Variants in STRA6 observed in about 807,000 individuals in gnomAD.
STRA6 encodes signaling receptor and transporter of retinol STRA6.
In STRA6, 48 loss-of-function variants were observed where a neutral mutation model predicts 83.6. The observed-to-expected ratio is 0.57, with a 90% CI of 0.46 to 0.73. The LOEUF is 0.73. STRA6 is among the 30% of genes least tolerant of loss of function. STRA6 has a pLI of 0.00. For missense variants in STRA6, 760 were observed against 838.8 expected, an observed-to-expected ratio of 0.91 and a Z score of 1.16; for synonymous variants, 353 against 362.3, an observed-to-expected ratio of 0.97 and a Z score of 0.29.
At chr15:74,182,907 A>G (rs1026502532) in intron 14 of STRA6, 3 of 229,458 alleles carry the variant, frequency 1.3e-5, no homozygotes, top group African/African-American at 6.8e-5. Flanking sequence ...TGATGTCTAC[A>G]AAAGGGCCTG....
upstream of STRA6, among the ~76,000 whole-genome samples, chr15:74,203,780 T>C (rs531903243): frequency 2.0e-5 from 3 of 152,112 alleles, no homozygotes; most frequent in South Asian, 6.2e-4. Flanking sequence ...GTCTGTACCA[T>C]GGGAAACCAA....
At chr15:74,192,069 C>T (rs2073572010) in intron 8 of STRA6, 1 of 166,530 alleles carries the variant, frequency 6.0e-6, no homozygotes, top group Non-Finnish European at 1.3e-5. Flanking sequence ...AGAACACAGG[C>T]TGTTGTCACT....
intron 5 of STRA6, 63 bp from the exon 6 acceptor site, chr15:74,195,738 G>C (rs2073783287): frequency 1.1e-6 from 1 of 951,258 alleles, no homozygotes; most frequent in African/African-American, 1.6e-5. Context: ...GATATATAAT[G>C]CTTAGCATGG....
At chr15:74,184,448 C>A (rs1360103965) in intron 13 of STRA6, among the ~76,000 whole-genome samples, 1 of 152,180 alleles carries the variant, frequency 6.6e-6, no homozygotes, top group African/African-American at 2.4e-5. Flanking sequence ...CTCGGGCTGC[C>A]CCTTCCACCT....
chr15:74,180,851 C>T lies in STRA6; in HGVS notation c.1771G>A (p.Ala591Thr), dbSNP rs115331762. ...ATGGTCCTGGGTAGGAGGCTCTGCGCTTGCAGGAGCAGGGAGCAGAAGGCT... is the reference window on the plus strand; with the variant it reads ...ATGGTCCTGGGTAGGAGGCTCTGCGTTTGCAGGAGCAGGGAGCAGAAGGCT... ...MTAFCSLLLQAQSLLPRTMAA... is the reference protein window; with the variant it reads ...MTAFCSLLLQTQSLLPRTMAA... The change falls in exon 18 of 19, where the codon GCG (alanine) becomes ACG (threonine). Residue 591 changes from alanine to threonine, a missense_variant. Physicochemically the swap from Ala to Thr is moderately conservative, Grantham distance 58. Coordinates refer to ENST00000395105, the MANE Select transcript of STRA6 (RefSeq NM_022369.4). 1.1e-3 allele frequency: 1,724 copies of T among 1,614,126 alleles called. 24 individuals carry two copies. The African/African-American group carries it at 0.021, about 20-fold the overall frequency.
At chr15:74,184,610 G>A (rs546803679) in intron 13 of STRA6, among the ~76,000 whole-genome samples, 92 of 152,234 alleles carry the variant, frequency 6.0e-4, no homozygotes, top group African/African-American at 2.1e-3. Context: ...CTCTGTTCTC[G>A]TCCACACAGT....
rs373705033 is a variant in STRA6, at chr15:74,189,251, C to T, written c.954G>A (p.Val318=). ...YQVALLLLVG[V]VPTIQKVRAG... ...CCCTCACCTTCTGGATAGTGGGTACCACGCCCACCAGCAGCAGCAGGGCCA... is the reference window on the plus strand; with the variant it reads ...CCCTCACCTTCTGGATAGTGGGTACTACGCCCACCAGCAGCAGCAGGGCCA... The change falls in exon 12 of 19, where the codon GTG becomes GTA. Residue 318 remains valine, a synonymous_variant. Coordinates refer to ENST00000395105, the MANE Select transcript of STRA6 (RefSeq NM_022369.4). The T allele has an allele frequency of 1.3e-5, 21 of 1,604,408 alleles. No homozygotes were observed. The highest frequency in any genetic ancestry group is 1.8e-5 in the Non-Finnish European group (21 of 1,175,818).
upstream of STRA6, chr15:74,209,566 G>T (rs2074337610): frequency 4.8e-6 from 4 of 833,264 alleles, no homozygotes; most frequent in South Asian, 5.4e-5. Context: ...AGTGAAAAAG[G>T]CCCCCTCGGA....
At chr15:74,194,598 T>G in intron 7 of STRA6, 1 of 520,698 alleles carries the variant, frequency 1.9e-6, no homozygotes, top group Non-Finnish European at 2.9e-6. Context: ...CCTGGCATCA[T>G]TTTGTTTGCG....
chr15:74,195,343 C>T lies in STRA6; in HGVS notation c.556G>A (p.Val186Ile). ...CACTCTGCCCTCTGCCAGACCTGGACCCCAAGGTGGGCCCAGGACAGCGTG... is the reference window on the plus strand; with the variant it reads ...CACTCTGCCCTCTGCCAGACCTGGATCCCAAGGTGGGCCCAGGACAGCGTG... ...GSTLSWAHLG[V>I]QVWQRAECPQ... Residue 186 changes from valine (V) to isoleucine (I), a missense_variant, in exon 7 of 19, where the codon GTC becomes ATC. By Grantham distance (29) the Val-to-Ile change is conservative. Coordinates refer to ENST00000395105, the MANE Select transcript of STRA6 (RefSeq NM_022369.4). The T allele has an allele frequency of 1.2e-6, 2 of 1,613,462 alleles. No individual in the cohort carries two copies. Among genetic ancestry groups the T allele is most frequent in the South Asian group, 2.2e-5 (2 of 91,026 alleles).
intron 7 of STRA6, 36 bp downstream of exon 7, chr15:74,195,266 G>A (rs755532553): frequency 3.4e-5 from 55 of 1,607,122 alleles, no homozygotes; most frequent in South Asian, 1.9e-4. Context: ...TGCTCTGTGC[G>A]CCCCTCTGCC....
rs570190700 is a variant in STRA6 at position 74,192,789 on chromosome 15, G to C, written c.720+1011C>G. Reference sequence around the variant, plus strand: ...GAGTCTGTTCTTCTTTCCCCTTTGAGGGTCTCTGCAGAGCTTTCTTCCTCC... The same window carrying C: ...GAGTCTGTTCTTCTTTCCCCTTTGACGGTCTCTGCAGAGCTTTCTTCCTCC... On this transcript the variant is annotated intron_variant, in intron 8 of 18. Transcript: ENST00000395105. 7.2e-5 allele frequency among the ~76,000 whole-genome samples: 11 copies of C among 152,296 alleles called. No homozygotes were observed. The South Asian group carries it at 2.3e-3, about 32-fold the overall frequency.
chr15:74,185,154 C>A, intron 12 of STRA6, 99 bp from the exon 13 acceptor site: 1 of 1,200,560 alleles, frequency 8.3e-7, no homozygotes, highest in East Asian at 2.5e-5. Context: ...GGGGAGTTCC[C>A]CCTGCCCCAA....
At chr15:74,190,999 C>G (rs768287946) in intron 10 of STRA6, 98 bp from the exon 11 acceptor site, 7 of 1,587,768 alleles carry the variant, frequency 4.4e-6, no homozygotes, top group Non-Finnish European at 6.0e-6. Flanking sequence ...CAGCAGGACC[C>G]TAAATGACCA....
chr15:74,190,681 C>T (rs556176994), intron 11 of STRA6, among the ~76,000 whole-genome samples, 159 bp downstream of exon 11: 1 of 152,092 alleles, frequency 6.6e-6, no homozygotes. Flanking sequence ...AACACCCCGG[C>T]CCTTCTGGGT....
intron 17 of STRA6, 47 bp downstream of exon 17, chr15:74,181,248 T>A (rs1351670133): frequency 6.2e-7 from 1 of 1,607,754 alleles, no homozygotes; most frequent in Non-Finnish European, 8.5e-7. Flanking sequence ...CCTTCCTCAC[T>A]GCTTGGGTAG....
intron 1 of STRA6, chr15:74,208,752 C>A: frequency 2.0e-6 from 2 of 988,602 alleles, no homozygotes; most frequent in Non-Finnish European, 2.4e-6. Flanking sequence ...CGCTGTTCCC[C>A]GACCTGTTCC....
chr15:74,208,069 A>G (rs1049480038), intron 1 of STRA6: 13 of 1,255,616 alleles, frequency 1.0e-5, no homozygotes, highest in African/African-American at 1.5e-5. Flanking sequence ...GATTTAGACC[A>G]GGCTGTTCTG....
At position 74,189,246 on chromosome 15, in the gene STRA6, G is replaced by A. The variant is rs1176547573; in HGVS notation, c.959C>T (p.Pro320Leu). The change falls in exon 12 of 19, where the codon CCC becomes CTC. Residue 320 changes from proline (P) to leucine (L), a missense_variant. Transcript: ENST00000395105. ...VALLLLVGVV[P>L]TIQKVRAGVT... ...CCCTGCCCTCACCTTCTGGATAGTG[G>A]GTACCACGCCCACCAGCAGCAGCAG... 1 of 1,606,306 alleles carries A rather than the reference G, an allele frequency of 6.2e-7. No homozygotes were observed. Among genetic ancestry groups the A allele is most frequent in the Non-Finnish European group, 8.5e-7 (1 of 1,176,720 alleles).
Sources: allele counts gnomAD v4.1 joint callset (sites outside exome capture counted in the v4.1 genomes callset), GRCh38; gene constraint gnomAD v4.1.1; transcripts MANE v1.5; gene names NCBI Gene and HGNC (gene_info 2026-07-23, HGNC 2026-07-21).